The following SNAPC4 variants were observed in gnomAD, a reference collection of about 807,000 sequenced individuals.
SNAPC4 encodes the protein snRNA-activating protein complex subunit 4.
A neutral mutation model predicts 151.3 loss-of-function variants in SNAPC4; 127 were observed. The ratio of observed to expected loss-of-function variants is 0.84; its 90% CI spans 0.73 to 0.97. The LOEUF (loss-of-function observed/expected upper bound fraction) is 0.97, where lower values mean the gene tolerates loss of function less well. Ranked by LOEUF, SNAPC4 falls within the 50% of genes least tolerant of loss-of-function variation. SNAPC4 has a pLI of 0.00. For missense variants in SNAPC4, 2,186 were observed against 1,935.0 expected, an observed-to-expected ratio of 1.13 and a Z score of -2.43; for synonymous variants, 1,002 against 824.4, an observed-to-expected ratio of 1.22 and a Z score of -3.69.
In SNAPC4 at chr9:136,377,662, T is replaced by G; in HGVS notation, c.4165A>C (p.Thr1389Pro). The change falls in exon 22 of 24, where the codon ACC becomes CCC. Residue 1389 changes from threonine to proline, a missense_variant. Transcript: ENST00000684778. ...ATLAPQGVRT[T>P]LSVPSRVGSE... The stretch of plus-strand genomic sequence containing the variant: ...CCCACCCTCGAAGGTACTGAGAGGG[T>G]GGTGCGGACGCCTTGGGGGGCCAGG... 2 of 1,604,492 alleles carry G rather than the reference T, an allele frequency of 1.2e-6. No homozygotes were observed. Among genetic ancestry groups the G allele is most frequent in the South Asian group, 2.2e-5 (2 of 90,266 alleles).
At position 136,382,299 on chromosome 9, in the gene SNAPC4, AC is replaced by A. The variant is rs1196057155; in HGVS notation, c.2020del (p.Val674CysfsTer2). 1 of 1,613,004 alleles carries A rather than the reference AC, an allele frequency of 6.2e-7. No individual in the cohort carries two copies. The highest frequency in any genetic ancestry group is 8.5e-7 in the Non-Finnish European group (1 of 1,179,978). On this transcript the variant is annotated frameshift_variant, in exon 17 of 24. Transcript: ENST00000684778. LOFTEE classifies it high-confidence loss of function. Reference sequence around the variant, plus strand: ...CGTGTTGGCCCTGAGCACCCTCAGCACGGTCTCCACAGGCACTGTCAGCAGA... The same window carrying A: ...CGTGTTGGCCCTGAGCACCCTCAGCAGGTCTCCACAGGCACTGTCAGCAGA... ...RRLLTVPVETVLRVLRANTAA... is the reference protein window; with the variant it reads ...RRLLTVPVETXLRVLRANTAA...
At chr9:136,398,210 C>T (rs997610412) in intron 2 of SNAPC4, 89 bp downstream of exon 2, 32 of 1,399,748 alleles carry the variant, frequency 2.3e-5, no homozygotes, top group Non-Finnish European at 3.0e-5. Context: ...ACCCGGCTAC[C>T]ATCACTCCCT....
intron 16 of SNAPC4, 38 bp from the exon 17 acceptor site, chr9:136,382,374 G>A (rs765320238): frequency 2.5e-6 from 4 of 1,574,680 alleles, no homozygotes; most frequent in Non-Finnish European, 3.5e-6. Context: ...CACGCGGGGT[G>A]TACGGGACAC....
intron 10 of SNAPC4, among the ~76,000 whole-genome samples, chr9:136,388,938 C>T (rs1833980043): frequency 1.3e-5 from 2 of 152,358 alleles, no homozygotes; most frequent in African/African-American, 4.8e-5. Flanking sequence ...CTGGGAGACG[C>T]ACTGCTCTGC....
rs1267312212 is a variant in SNAPC4 at position 136,377,533 on chromosome 9, C to T, written c.4284+10G>A. On this transcript the variant is annotated intron_variant, in intron 22 of 23. Coordinates refer to ENST00000684778, the MANE Select transcript of SNAPC4 (RefSeq NM_003086.4). ...TGCCATGGGGAAGTGGGGCTGGGCG[C>T]CCACCCTACCTGAATGGGGCATGTG... 3 of 1,503,084 alleles carry T rather than the reference C, an allele frequency of 2.0e-6. No individual in the cohort carries two copies. Among genetic ancestry groups the T allele is most frequent in the Non-Finnish European group, 2.7e-6 (3 of 1,125,528 alleles). The allele number at this position is 1,503,084 out of a possible 1,614,324, so 93.1% of individuals were successfully genotyped here. A position where few individuals can be genotyped will look rare whatever the true frequency, so the allele number is the denominator to read the frequency against.
intron 1 of SNAPC4, among the ~76,000 whole-genome samples, chr9:136,399,096 G>A (rs182991452): frequency 6.6e-6 from 1 of 152,360 alleles, no homozygotes; most frequent in East Asian, 1.9e-4. Flanking sequence ...GAAGTCTGAA[G>A]GGAGAAGGAC....
At chr9:136,385,559 C>T (rs528836022) in intron 13 of SNAPC4, among the ~76,000 whole-genome samples, 13 of 134,764 alleles carry the variant, frequency 9.6e-5, no homozygotes, top group Non-Finnish European at 2.0e-4. Context: ...CCCACTCCCC[C>T]CCCTTTTGTT....
Position 136,392,085 on chromosome 9 carries a change from C to G in SNAPC4, c.832G>C (p.Glu278Gln). The change falls in exon 10 of 24, where the codon GAG becomes CAG. Residue 278 changes from glutamate to glutamine, a missense_variant. Transcript: ENST00000684778. ...NINFEGSRSAEEIRKFWQNSE... is the reference protein window; with the variant it reads ...NINFEGSRSAQEIRKFWQNSE... ...TTCTGCCAGAACTTCCGGATCTCCT[C>G]TGCACTGCGGCTGCCTTCAAACTGC... The G allele has an allele frequency of 6.2e-7, 1 of 1,612,518 alleles. No homozygotes were observed. Among genetic ancestry groups the G allele is most frequent in the South Asian group, 1.1e-5 (1 of 91,068 alleles).
At chr9:136,380,011 G>A in intron 20 of SNAPC4, 147 bp from the exon 21 acceptor site, 1 of 1,439,892 alleles carries the variant, frequency 6.9e-7, no homozygotes, top group Non-Finnish European at 9.6e-7. Context: ...CGCCTCTGTA[G>A]GAACTCCGGG....
chr9:136,391,799 G>A (rs986097738), intron 10 of SNAPC4, 143 bp downstream of exon 10: 2 of 885,694 alleles, frequency 2.3e-6, no homozygotes, highest in Admixed American at 2.8e-5. Flanking sequence ...TCCTTCCCTA[G>A]GGCCACAGCC....
chr9:136,391,885 A>G, intron 10 of SNAPC4, 57 bp downstream of exon 10: 1 of 1,548,204 alleles, frequency 6.5e-7, no homozygotes, highest in Non-Finnish European at 8.7e-7. Context: ...GCCTCCCGCT[A>G]TAGGGCCCAC....
Position 136,391,996 on chromosome 9 carries a change from C to G in SNAPC4, c.921G>C (p.Ala307=), listed in dbSNP as rs746122865. Residue 307 remains alanine, a synonymous_variant, in exon 10 of 24, where the codon GCG becomes GCC. Transcript: ENST00000684778. ...WSREEEERLQ[A]IAAAHGHLEW... ...CCAGGTGGCCGTGTGCAGCCGCGAT[C>G]GCCTGCAGCCGCTCCTCCTCCTCCC... is the stretch of plus-strand genomic sequence containing the variant. 1.2e-6 allele frequency: 2 copies of G among 1,609,718 alleles called. No individual in the cohort carries two copies. The highest frequency in any genetic ancestry group is 2.2e-5 in the East Asian group (1 of 44,860).
chr9:136,396,679 G>C (rs896982883), intron 3 of SNAPC4, among the ~76,000 whole-genome samples: 1 of 152,156 alleles, frequency 6.6e-6, no homozygotes, highest in African/African-American at 2.4e-5. Context: ...GTGAGGGGCA[G>C]GACGCAGGTG....
chr9:136,389,675 C>G (rs751150266), intron 10 of SNAPC4, among the ~76,000 whole-genome samples: 8 of 152,222 alleles, frequency 5.3e-5, no homozygotes, highest in Non-Finnish European at 8.8e-5. Context: ...GCTGGCGCTT[C>G]CCAACCAGTG....
chr9:136,376,270 G>A (rs528573402), intron 23 of SNAPC4, 79 bp downstream of exon 23: 2 of 1,548,320 alleles, frequency 1.3e-6, no homozygotes, highest in Admixed American at 1.7e-5. Flanking sequence ...GAGCCGAGCA[G>A]AGGCCAAGGC....
chr9:136,389,544 C>T (rs1200333342), intron 10 of SNAPC4, among the ~76,000 whole-genome samples: 1 of 152,094 alleles, frequency 6.6e-6, no homozygotes, highest in Non-Finnish European at 1.5e-5. Context: ...ACCACCACCC[C>T]GGGGTGTGCA....
At position 136,379,003 on chromosome 9, in the gene SNAPC4, C is replaced by A. The variant is rs1833585373; in HGVS notation, c.2824G>T (p.Ala942Ser). The A allele has an allele frequency of 1.2e-6, 2 of 1,606,178 alleles. No individual in the cohort carries two copies. The highest frequency in any genetic ancestry group is 1.7e-6 in the Non-Finnish European group (2 of 1,177,462). ...ACATTTAAGACGGTGGGACCCGGGG[C>A]TGGGCGGCCGTGTGGGGTGTGTGGT... ...PLPHTPHGRP[A>S]PGPTVLNVPL... The change falls in exon 22 of 24, where the codon GCC becomes TCC. Residue 942 changes from alanine to serine, a missense_variant. Ala to Ser is a moderately conservative substitution (Grantham distance 99). Coordinates refer to ENST00000684778, the MANE Select transcript of SNAPC4 (RefSeq NM_003086.4).
At chr9:136,392,166 A>C (rs1834100629) in intron 9 of SNAPC4, 60 bp from the exon 10 acceptor site, 1 of 1,593,798 alleles carries the variant, frequency 6.3e-7, no homozygotes, top group East Asian at 2.2e-5. Flanking sequence ...CCCTAGACGC[A>C]GCTCCAGGCT....
At chr9:136,393,564 C>T (rs1834155323) in intron 7 of SNAPC4, among the ~76,000 whole-genome samples, 1 of 152,232 alleles carries the variant, frequency 6.6e-6, no homozygotes, top group Non-Finnish European at 1.5e-5. Context: ...CATCAGCAAA[C>T]AGCAGGTTTC....
Sources: gnomAD v4.1 joint callset for allele counts (sites outside exome capture counted in the v4.1 genomes callset) on GRCh38, gnomAD v4.1.1 for gene constraint, MANE v1.5 for transcripts, NCBI Gene and HGNC (gene_info 2026-07-23, HGNC 2026-07-21) for gene names.